The following CRYBG2 variants were observed in gnomAD, a reference collection of about 807,000 sequenced individuals.
CRYBG2 encodes the protein crystallin beta-gamma domain containing 2.
In CRYBG2, 106 loss-of-function variants were observed where a neutral mutation model predicts 153.4. That is an observed-to-expected ratio of 0.69 (90% CI 0.59 to 0.81). CRYBG2 has a LOEUF of 0.81. Among genes scored for constraint, CRYBG2 ranks in the 30% least tolerant of loss-of-function variants. The pLI is 0.00. For synonymous variants in CRYBG2, 851 were observed against 877.8 expected, an observed-to-expected ratio of 0.97 and a Z score of 0.54; for missense variants, 1,996 against 2,112.0, an observed-to-expected ratio of 0.95 and a Z score of 1.08.
In CRYBG2 at chr1:26,343,206, G is replaced by C; in HGVS notation, c.2961+40C>G. The C allele has an allele frequency of 1.3e-6, 2 of 1,550,520 alleles. No homozygotes were observed. Among genetic ancestry groups the C allele is most frequent in the Non-Finnish European group, 1.7e-6 (2 of 1,146,964 alleles). ...CCTCAGGCCCTGACCCCAGGCCCCT[G>C]CATCCTGCTGCCCCCACCCACTTGC... is the stretch of plus-strand genomic sequence containing the variant. On this transcript the variant is annotated intron_variant, in intron 3 of 19. Coordinates refer to ENST00000308182, the MANE Select transcript of CRYBG2 (RefSeq NM_001039775.4). The surrounding 1 kb of genome is among the most constrained non-coding windows in gnomAD (Gnocchi z 4.1).
At chr1:26,340,242 A>C (rs1232205818) in intron 5 of CRYBG2, among the ~76,000 whole-genome samples, 1 of 152,200 alleles carries the variant, frequency 6.6e-6, no homozygotes, top group Non-Finnish European at 1.5e-5. Context: ...CGAAGCATCT[A>C]CTGCATGCAA....
rs935693046 is a variant in CRYBG2, at chr1:26,328,146, C to T, written c.4578+63G>A. Reference sequence around the variant, plus strand: ...GGGAAACACACAGCTAGACACTCATCCAGAAAGGCCTGCCCAGACACGCTC... The same window carrying T: ...GGGAAACACACAGCTAGACACTCATTCAGAAAGGCCTGCCCAGACACGCTC... On this transcript the variant is annotated intron_variant, in intron 17 of 19. Transcript: ENST00000308182. 2.3e-5 allele frequency: 35 copies of T among 1,529,332 alleles called. No individual in the cohort carries two copies. The African/African-American group carries it at 4.8e-4, about 21-fold the overall frequency. The allele number at this position is 1,529,332 out of a possible 1,614,324, so 94.7% of individuals were successfully genotyped here. A position where few individuals can be genotyped will look rare whatever the true frequency, so the allele number is the denominator to read the frequency against.
In CRYBG2 at chr1:26,345,275, C is replaced by T. The variant is rs755415157; in HGVS notation, c.1383G>A (p.Arg461=). Residue 461 remains arginine, a synonymous_variant, in exon 2 of 20, where the codon AGG becomes AGA. Coordinates refer to ENST00000308182, the MANE Select transcript of CRYBG2 (RefSeq NM_001039775.4). ...ENVPVLPFTQ[R]EVVKGPGAPA... Reference sequence around the variant, plus strand: ...GAGCACCGGGGCCCTTCACGACCTCCCTCTGGGTAAAGGGGAGGACAGGGA... The same window carrying T: ...GAGCACCGGGGCCCTTCACGACCTCTCTCTGGGTAAAGGGGAGGACAGGGA... 3 of 1,612,564 alleles carry T rather than the reference C, an allele frequency of 1.9e-6. No homozygotes were observed. The highest frequency in any genetic ancestry group is 1.1e-5 in the South Asian group (1 of 91,018).
chr1:26,342,545 G>A (rs529712077), intron 5 of CRYBG2, among the ~76,000 whole-genome samples: 3 of 152,120 alleles, frequency 2.0e-5, no homozygotes, highest in Non-Finnish European at 2.9e-5. Context: ...GATTACAGGC[G>A]CATGCCAGCA....
chr1:26,337,108 C>A, intron 10 of CRYBG2, 128 bp from the exon 11 acceptor site: 1 of 1,552,558 alleles, frequency 6.4e-7, no homozygotes, highest in Non-Finnish European at 8.7e-7. Context: ...TGGAGAAGAG[C>A]AGCAGGGGAA....
Position 26,328,852 on chromosome 1 carries a change from A to G in CRYBG2, c.4336T>C (p.Phe1446Leu). 1 of 1,614,090 alleles carries G rather than the reference A, an allele frequency of 6.2e-7. No individual in the cohort carries two copies. Among genetic ancestry groups the G allele is most frequent in the Middle Eastern group, 1.7e-4 (1 of 6,060 alleles). Residue 1446 changes from phenylalanine to leucine, a missense_variant, in exon 16 of 20, where the codon TTC becomes CTC. Transcript: ENST00000308182. The stretch of plus-strand genomic sequence containing the variant: ...TCGAAGCACTCGAGTCCATACAGGA[A>G]AATGGAAGGCTCTGAAAAGTGCTGG... ...VSLHFSEPSI[F>L]LYGLECFEGK... is the part of the protein sequence containing the mutation.
Position 26,322,045 on chromosome 1 carries a change from A to G in CRYBG2, c.4909T>C (p.Tyr1637His), listed in dbSNP as rs774387021. 4 of 1,606,514 alleles carry G rather than the reference A, an allele frequency of 2.5e-6. No homozygotes were observed. Among genetic ancestry groups the G allele is most frequent in the African/African-American group, 1.3e-5 (1 of 74,782 alleles). ...CATAGCACCACGTGGTCCCGGTCGT[A>G]GCCCCGGCCTCCTGGGGGTGGGATG... Reference protein sequence around the residue: ...QILDVKGGRGYDRDHVVLWEP... With the variant: ...QILDVKGGRGHDRDHVVLWEP... Residue 1637 changes from tyrosine (Y) to histidine (H), a missense_variant, in exon 20 of 20, where the codon TAC (tyrosine) becomes CAC (histidine). By Grantham distance (83) the Tyr-to-His change is moderately conservative (BLOSUM62 2). Transcript: ENST00000308182.
rs770375685 is a variant in CRYBG2, at chr1:26,346,046, GC to G, written c.611del (p.Gly204AlafsTer32). 6.3e-7 allele frequency: 1 copy of G among 1,589,920 alleles called. No individual in the cohort carries two copies. The highest frequency in any genetic ancestry group is 1.1e-5 in the South Asian group (1 of 90,184). The part of the protein sequence containing the change: ...SSVTVRPVSS[G>X]EALPRGRQVS... ...CCTGACGGCCCCGTGGCAGGGCCTC[GC>G]CTGAGGACACTGGCCTCACAGTCAC... On this transcript the variant is annotated frameshift_variant, in exon 2 of 20. Transcript: ENST00000308182. LOFTEE classifies it high-confidence loss of function. This position sits in a 1 kb window ranked among gnomAD's most constrained non-coding sequence, Gnocchi z 4.9.
chr1:26,331,964 G>C (rs564121280), intron 14 of CRYBG2, among the ~76,000 whole-genome samples: 2 of 152,282 alleles, frequency 1.3e-5, no homozygotes, highest in Non-Finnish European at 2.9e-5. Context: ...AATAGAAAAG[G>C]GGGGAAGCAG....
rs1179902037 is a variant in CRYBG2, at chr1:26,334,768, CA to C, written c.4184+1326del. On this transcript the variant is annotated intron_variant, in intron 14 of 19. Coordinates refer to ENST00000308182, the MANE Select transcript of CRYBG2 (RefSeq NM_001039775.4). ...TGAAACCCCATCTCTACTAAAAATA[CA>C]AAAATTAGCTGGGCGTGGTGGCGGG... 5.3e-5 allele frequency among the ~76,000 whole-genome samples: 8 copies of C among 151,822 alleles called. No homozygotes were observed. The East Asian group carries it at 1.6e-3, about 30-fold the overall frequency.
intron 1 of CRYBG2, among the ~76,000 whole-genome samples, chr1:26,351,106 G>A (rs2074281623): frequency 1.3e-5 from 2 of 152,110 alleles, no homozygotes; most frequent in South Asian, 4.2e-4. Flanking sequence ...GTAGAGCCCT[G>A]GTCATTTTCC....
intron 15 of CRYBG2, among the ~76,000 whole-genome samples, chr1:26,329,905 C>T (rs1228687659): frequency 6.6e-6 from 1 of 152,040 alleles, no homozygotes; most frequent in Non-Finnish European, 1.5e-5. Flanking sequence ...GCCATCATGC[C>T]CGGCTAATTT....
rs529361770 is a variant in CRYBG2, at chr1:26,344,289, C to T, written c.2369G>A (p.Arg790His). 2.0e-5 allele frequency: 31 copies of T among 1,515,274 alleles called. No homozygotes were observed. In the East Asian group the frequency reaches 2.2e-4, roughly 11 times the overall value. The allele number at this position is 1,515,274 out of a possible 1,614,324, so 93.9% of individuals were successfully genotyped here. A position where few individuals can be genotyped will look rare whatever the true frequency, so the allele number is the denominator to read the frequency against. ...LRTHRLPRAPRSSYLSMYATL... is the reference protein window; with the variant it reads ...LRTHRLPRAPHSSYLSMYATL... ...GGCGTACATGGACAGGTAGGAGGAG[C>T]GAGGGGCTCGTGGCAGCCGGTGAGT... The change falls in exon 2 of 20, where the codon CGC (arginine) becomes CAC (histidine). Residue 790 changes from arginine (R) to histidine (H), a missense_variant. Transcript: ENST00000308182.
chr1:26,337,891 C>T lies in CRYBG2; in HGVS notation c.3507+121G>A, dbSNP rs187691141. On this transcript the variant is annotated intron_variant, in intron 8 of 19. Transcript: ENST00000308182. ...AGTGAGCCCATCAGGTCCCATCCCC[C>T]CAGACCGTGCTTCTGGCCCCCAGTG... The T allele has an allele frequency of 2.2e-4, 312 of 1,398,162 alleles. 2 individuals are homozygous for T. The East Asian group carries it at 6.5e-3, about 29-fold the overall frequency. The allele number at this position is 1,398,162 out of a possible 1,614,324, so 86.6% of individuals were successfully genotyped here.
At chr1:26,328,698 G>A (rs1379749437) in intron 16 of CRYBG2, 36 bp downstream of exon 16, 3 of 1,591,222 alleles carry the variant, frequency 1.9e-6, no homozygotes, top group Non-Finnish European at 2.6e-6. Flanking sequence ...ATCCCCACCA[G>A]CAGCCACCGC....
chr1:26,342,599 A>G (rs568361229), intron 5 of CRYBG2, among the ~76,000 whole-genome samples, 155 bp downstream of exon 5: 4 of 152,188 alleles, frequency 2.6e-5, no homozygotes, highest in Admixed American at 6.5e-5. Flanking sequence ...GGGGTTTCAC[A>G]TGTTGGCCAG....
In CRYBG2 at chr1:26,346,453, C is replaced by T. The variant is rs1228520138; in HGVS notation, c.205G>A (p.Ala69Thr). 1 of 1,605,444 alleles carries T rather than the reference C, an allele frequency of 6.2e-7. No homozygotes were observed. The change falls in exon 2 of 20, where the codon GCA becomes ACA. Residue 69 changes from alanine (A) to threonine (T), a missense_variant. By Grantham distance (58) the Ala-to-Thr change is moderately conservative. Coordinates refer to ENST00000308182, the MANE Select transcript of CRYBG2 (RefSeq NM_001039775.4). The surrounding 1 kb of genome is among the most constrained non-coding windows in gnomAD (Gnocchi z 4.9). ...RREEVEVNGFATQEEETVNCQ... is the reference protein window; with the variant it reads ...RREEVEVNGFTTQEEETVNCQ... ...TTCACAGTCTCTTCTTCCTGTGTTGCAAAGCCATTGACTTCCACTTCCTCT... is the reference window on the plus strand; with the variant it reads ...TTCACAGTCTCTTCTTCCTGTGTTGTAAAGCCATTGACTTCCACTTCCTCT...
intron 5 of CRYBG2, among the ~76,000 whole-genome samples, chr1:26,342,029 C>A (rs972522154): frequency 6.6e-6 from 1 of 152,202 alleles, no homozygotes; most frequent in African/African-American, 2.4e-5. Context: ...GATCTCCCCC[C>A]ACTGCCTATT....
At chr1:26,341,065 G>T (rs924116777) in intron 5 of CRYBG2, among the ~76,000 whole-genome samples, 21 of 151,990 alleles carry the variant, frequency 1.4e-4, no homozygotes, top group Non-Finnish European at 2.8e-4. Context: ...CAGGCCGGGC[G>T]CAGTGGCTCA....
Sources: gnomAD v4.1 joint callset for allele counts (sites outside exome capture counted in the v4.1 genomes callset) on GRCh38, gnomAD v4.1.1 for gene constraint, Gnocchi (gnomAD v3.1) non-coding constraint, MANE v1.5 for transcripts, NCBI Gene and HGNC (gene_info 2026-07-23, HGNC 2026-07-21) for gene names.